The following AUTS2 variants were observed in gnomAD, a reference collection of about 807,000 sequenced individuals.
AUTS2 encodes the protein autism susceptibility gene 2 protein.
A neutral mutation model predicts 112.4 loss-of-function variants in AUTS2; 17 were observed. That is an observed-to-expected ratio of 0.15 (90% CI 0.10 to 0.23). AUTS2 has a LOEUF of 0.23. Ranked by LOEUF, AUTS2 falls within the 10% of genes least tolerant of loss-of-function variation. The pLI, the probability that AUTS2 is intolerant of heterozygous loss-of-function variation, is 1.00. For synonymous variants in AUTS2, 751 were observed against 702.7 expected (o/e 1.07, Z -1.09); for missense variants, 1,510 against 1,701.6 (o/e 0.89, Z 1.98).
At chr7:70,093,824 C>A (rs889876583) in intron 2 of AUTS2, among the ~76,000 whole-genome samples, 1 of 152,202 alleles carries the variant, frequency 6.6e-6, no homozygotes, top group South Asian at 2.1e-4. Context: ...AGGATCTAAA[C>A]CCAATAACCT....
chr7:70,672,838 T>TG (rs1807715861), intron 5 of AUTS2, among the ~76,000 whole-genome samples: 2 of 152,168 alleles, frequency 1.3e-5, no homozygotes, highest in African/African-American at 4.8e-5. Context: ...CCTGACCTCG[T>TG]GATCTGCCTG....
chr7:69,683,778 G>C (rs763445306), intron 1 of AUTS2, among the ~76,000 whole-genome samples: 4 of 151,810 alleles, frequency 2.6e-5, no homozygotes, highest in Non-Finnish European at 5.9e-5. Context: ...TGGCATGGTA[G>C]TACACGCCTA....
chr7:69,635,291 T>C (rs1399247103), intron 1 of AUTS2, among the ~76,000 whole-genome samples: 1 of 152,244 alleles, frequency 6.6e-6, no homozygotes, highest in Non-Finnish European at 1.5e-5. Context: ...AGGAAAGATG[T>C]TCATGCTTTA....
In AUTS2 at chr7:70,495,374, C is replaced by G. The variant is rs867152027; in HGVS notation, c.690+59593C>G. On this transcript the variant is annotated intron_variant, in intron 5 of 18. Transcript: ENST00000342771. Reference sequence around the variant, plus strand: ...TAATCTCTGTTTTCGATGTAGCTTACTTGGTCAACCACTGCAAGTATTCCC... The same window carrying G: ...TAATCTCTGTTTTCGATGTAGCTTAGTTGGTCAACCACTGCAAGTATTCCC... Among the ~76,000 whole-genome samples, 5 of 151,550 alleles carry G rather than the reference C, an allele frequency of 3.3e-5. No homozygotes were observed. The Middle Eastern group carries it at 0.014, about 412-fold the overall frequency.
chr7:69,794,074 G>A (rs1453100296), intron 1 of AUTS2, among the ~76,000 whole-genome samples: 1 of 152,138 alleles, frequency 6.6e-6, no homozygotes. Context: ...CAAGGAATTG[G>A]GAGACATGAT....
intron 5 of AUTS2, among the ~76,000 whole-genome samples, chr7:70,473,433 G>A (rs977512016): frequency 9.9e-5 from 15 of 152,254 alleles, no homozygotes; most frequent in Non-Finnish European, 2.2e-4. Context: ...TGTGGACTCC[G>A]TAAGTTGGTC....
chr7:70,548,409 G>A (rs1380126818), intron 5 of AUTS2, among the ~76,000 whole-genome samples: 1 of 151,828 alleles, frequency 6.6e-6, no homozygotes, highest in African/African-American at 2.4e-5. Flanking sequence ...AGCACAAAAG[G>A]TTTTAATTTT....
intron 5 of AUTS2, among the ~76,000 whole-genome samples, chr7:70,632,318 G>T (rs961050357): frequency 1.3e-5 from 2 of 152,154 alleles, no homozygotes; most frequent in African/African-American, 4.8e-5. Flanking sequence ...GGGGGATTCG[G>T]TTTCCTCTAG....
rs1446940862 is a variant in AUTS2, at chr7:70,219,367, C to T, written c.660+84796C>T. ...CATGTTGTATAATCCACAAAACTGT[C>T]GCTCATGCGTTCTCCAATAAAAGCA... On this transcript the variant is annotated intron_variant, in intron 4 of 18. Transcript: ENST00000342771. 2.6e-5 allele frequency among the ~76,000 whole-genome samples: 4 copies of T among 152,080 alleles called. No homozygotes were observed. In the East Asian group the frequency reaches 5.8e-4, roughly 22 times the overall value.
At chr7:70,008,506 G>A (rs901394346) in intron 2 of AUTS2, among the ~76,000 whole-genome samples, 2 of 151,870 alleles carry the variant, frequency 1.3e-5, no homozygotes, top group African/African-American at 4.8e-5. Context: ...TGTGTCAGTG[G>A]CCTGTGTATG....
At chr7:69,826,028 G>A (rs1165210430) in intron 1 of AUTS2, among the ~76,000 whole-genome samples, 1 of 152,138 alleles carries the variant, frequency 6.6e-6, no homozygotes, top group Admixed American at 6.6e-5. Context: ...GAGAATTAGG[G>A]CCTTTTAAAA....
intron 1 of AUTS2, among the ~76,000 whole-genome samples, chr7:69,847,191 T>C (rs1056787593): frequency 3.9e-5 from 6 of 152,234 alleles, no homozygotes; most frequent in African/African-American, 1.4e-4. Flanking sequence ...AGATCAAAAG[T>C]TACAGAGTAC....
At chr7:70,378,642 T>C (rs1793227438) in intron 4 of AUTS2, among the ~76,000 whole-genome samples, 1 of 152,224 alleles carries the variant, frequency 6.6e-6, no homozygotes, top group South Asian at 2.1e-4. Context: ...TCAGAGACCA[T>C]GTTTGTAGAT....
intron 1 of AUTS2, among the ~76,000 whole-genome samples, chr7:69,890,057 A>G (rs149839277): frequency 1.3e-5 from 2 of 152,048 alleles, no homozygotes; most frequent in African/African-American, 4.8e-5. Context: ...GTCATGCTGT[A>G]TTTCTCAGAT....
intron 5 of AUTS2, among the ~76,000 whole-genome samples, chr7:70,457,782 T>G (rs1796805244): frequency 6.6e-6 from 1 of 152,174 alleles, no homozygotes; most frequent in Non-Finnish European, 1.5e-5. Context: ...TATGCTAAAC[T>G]CAAATTTTAC....
chr7:69,760,785 A>C (rs1279394049), intron 1 of AUTS2, among the ~76,000 whole-genome samples: 3 of 152,308 alleles, frequency 2.0e-5, no homozygotes, highest in East Asian at 1.9e-4. Context: ...GTGCCACTGC[A>C]CTCCAGCCTG....
intron 1 of AUTS2, among the ~76,000 whole-genome samples, chr7:69,832,134 C>G (rs1185750636): frequency 2.0e-5 from 3 of 152,196 alleles, no homozygotes; most frequent in Non-Finnish European, 4.4e-5. Flanking sequence ...CACCGACAAC[C>G]CCCTACCCTG....
At chr7:70,363,355 G>A (rs1297760206) in intron 4 of AUTS2, among the ~76,000 whole-genome samples, 2 of 141,396 alleles carry the variant, frequency 1.4e-5, no homozygotes, top group Admixed American at 6.8e-5. Flanking sequence ...CCTAATGCTA[G>A]ATGACACATT....
intron 1 of AUTS2, among the ~76,000 whole-genome samples, chr7:69,684,532 A>G (rs966851134): frequency 2.0e-5 from 3 of 152,174 alleles, no homozygotes; most frequent in African/African-American, 7.2e-5. Context: ...ACTGTAGGGA[A>G]ATGGCGCCTC....
Sources: allele counts gnomAD v4.1 joint callset (sites outside exome capture counted in the v4.1 genomes callset), GRCh38; gene constraint gnomAD v4.1.1; transcripts MANE v1.5; gene names NCBI Gene and HGNC (gene_info 2026-07-23, HGNC 2026-07-21).